Variants in SLC2A13 observed in about 807,000 individuals in gnomAD.
SLC2A13 encodes the protein solute carrier family 2 member 13.
A neutral mutation model predicts 64.4 loss-of-function variants in SLC2A13; 32 were observed. The observed-to-expected ratio is 0.50, with a 90% CI of 0.37 to 0.67. SLC2A13 has a LOEUF of 0.67. Ranked by LOEUF, SLC2A13 falls within the 30% of genes least tolerant of loss-of-function variation. The pLI is 0.00. For synonymous variants in SLC2A13, 338 were observed against 327.1 expected (o/e 1.03, Z -0.36); for missense variants, 743 against 829.2 (o/e 0.90, Z 1.28).
At chr12:39,926,904 C>T (rs1945740569) in intron 4 of SLC2A13, among the ~76,000 whole-genome samples, 1 of 152,198 alleles carries the variant, frequency 6.6e-6, no homozygotes, top group Non-Finnish European at 1.5e-5. Flanking sequence ...CGTGAGCCAC[C>T]TGCATCCAGC....
At chr12:40,035,361 AC>A (rs1300348789) in intron 2 of SLC2A13, among the ~76,000 whole-genome samples, 1 of 152,208 alleles carries the variant, frequency 6.6e-6, no homozygotes, top group Non-Finnish European at 1.5e-5. Flanking sequence ...GAGTTATGTT[AC>A]AGCAACTTAC....
intron 4 of SLC2A13, among the ~76,000 whole-genome samples, chr12:39,927,600 A>G (rs971359779): frequency 3.3e-5 from 5 of 152,196 alleles, no homozygotes; most frequent in African/African-American, 7.2e-5. Context: ...AACATATCAA[A>G]CGAGAAAAAA....
intron 4 of SLC2A13, among the ~76,000 whole-genome samples, chr12:39,904,490 C>T (rs1945215322): frequency 6.6e-6 from 1 of 152,132 alleles, no homozygotes; most frequent in Admixed American, 6.6e-5. Flanking sequence ...CTGCATATTG[C>T]CTTTCTTATG....
chr12:40,030,318 T>G (rs1202265706), intron 2 of SLC2A13, among the ~76,000 whole-genome samples: 3 of 152,188 alleles, frequency 2.0e-5, no homozygotes, highest in African/African-American at 7.2e-5. Context: ...CTCTTCCCCT[T>G]AAGATGTTAA....
intron 3 of SLC2A13, among the ~76,000 whole-genome samples, chr12:39,971,709 T>C (rs992556508): frequency 6.6e-6 from 1 of 152,206 alleles, no homozygotes; most frequent in Admixed American, 6.5e-5. Context: ...GAACAGTGGC[T>C]CATGCCTATA....
chr12:39,802,038 T>C (rs1435145720), intron 7 of SLC2A13, among the ~76,000 whole-genome samples: 1 of 152,156 alleles, frequency 6.6e-6, no homozygotes, highest in Non-Finnish European at 1.5e-5. Context: ...ATTGTCATGA[T>C]GAAAAAACTA....
At position 40,069,506 on chromosome 12, in the gene SLC2A13, G is replaced by A. The variant is rs143395269; in HGVS notation, c.557-21296C>T. On this transcript the variant is annotated intron_variant, in intron 1 of 9. Coordinates refer to ENST00000280871, the MANE Select transcript of SLC2A13 (RefSeq NM_052885.4). ...AAAGTCTCCTGAACTATGGTCTCCA[G>A]TATAATAGCTGACATTTCTGTAATA... is the stretch of plus-strand genomic sequence containing the variant. Among the ~76,000 whole-genome samples the A allele has an allele frequency of 2.8e-3, 431 of 152,130 alleles. 2 individuals carry two copies. Among genetic ancestry groups the A allele is most frequent in the African/African-American group, 9.7e-3 (404 of 41,510 alleles).
At chr12:39,959,818 T>A (rs980208605) in intron 3 of SLC2A13, among the ~76,000 whole-genome samples, 1 of 152,176 alleles carries the variant, frequency 6.6e-6, no homozygotes, top group Non-Finnish European at 1.5e-5. Context: ...TTTAAAAAAA[T>A]TTTATTTTAC....
At chr12:39,834,540 T>A (rs915225876) in intron 6 of SLC2A13, among the ~76,000 whole-genome samples, 2 of 152,090 alleles carry the variant, frequency 1.3e-5, no homozygotes, top group African/African-American at 4.8e-5. Flanking sequence ...CTTTCTTTTA[T>A]TAAAAAAGCA....
chr12:39,911,154 C>T (rs1009063575), intron 4 of SLC2A13, among the ~76,000 whole-genome samples: 1 of 152,014 alleles, frequency 6.6e-6, no homozygotes, highest in Non-Finnish European at 1.5e-5. Flanking sequence ...GCTTAAGTTA[C>T]TTTGCACTCT....
chr12:39,837,151 A>G (rs1943030625), intron 6 of SLC2A13, among the ~76,000 whole-genome samples: 1 of 129,368 alleles, frequency 7.7e-6, no homozygotes, highest in African/African-American at 3.1e-5. Context: ...GATATAGATC[A>G]ATGGAACAGA....
chr12:40,045,807 G>A (rs1362871571), intron 2 of SLC2A13, among the ~76,000 whole-genome samples: 1 of 152,116 alleles, frequency 6.6e-6, no homozygotes, highest in African/African-American at 2.4e-5. Flanking sequence ...TCCAGCTTCA[G>A]CTGGGATTCC....
At chr12:39,865,489 A>G (rs1054674861) in intron 5 of SLC2A13, among the ~76,000 whole-genome samples, 3 of 152,208 alleles carry the variant, frequency 2.0e-5, no homozygotes, top group Admixed American at 6.5e-5. Context: ...TGAAAGTGAA[A>G]TATTTGTTTT....
chr12:39,937,164 G>A (rs1204865515), intron 4 of SLC2A13, among the ~76,000 whole-genome samples: 2 of 152,196 alleles, frequency 1.3e-5, no homozygotes, highest in Non-Finnish European at 2.9e-5. Flanking sequence ...AATCTGGGAA[G>A]AGGAAAATAG....
chr12:39,819,106 T>G (rs890003180), intron 7 of SLC2A13, among the ~76,000 whole-genome samples: 4 of 152,304 alleles, frequency 2.6e-5, no homozygotes, highest in African/African-American at 7.2e-5. Flanking sequence ...TCTCTGAGGC[T>G]TCAGAAGTTA....
chr12:40,084,515 G>C (rs1304449255), intron 1 of SLC2A13, among the ~76,000 whole-genome samples: 1 of 152,192 alleles, frequency 6.6e-6, no homozygotes, highest in Non-Finnish European at 1.5e-5. Context: ...TTCAACCTAA[G>C]TCAGGTCACT....
At chr12:39,850,550 T>C (rs529036970) in intron 6 of SLC2A13, among the ~76,000 whole-genome samples, 18 of 152,198 alleles carry the variant, frequency 1.2e-4, no homozygotes, top group Non-Finnish European at 2.4e-4. Flanking sequence ...ACTTAAGTTA[T>C]ATGAACATGA....
intron 6 of SLC2A13, among the ~76,000 whole-genome samples, chr12:39,856,760 C>T (rs1033647315): frequency 2.6e-5 from 4 of 152,202 alleles, no homozygotes; most frequent in African/African-American, 9.7e-5. Flanking sequence ...GGTTATGTAA[C>T]GTGCTTTTAC....
At chr12:40,041,639 A>G (rs1948092411) in intron 2 of SLC2A13, among the ~76,000 whole-genome samples, 1 of 152,238 alleles carries the variant, frequency 6.6e-6, no homozygotes, top group South Asian at 2.1e-4. Context: ...GTATGCAGAA[A>G]GTGTCAAGAA....
Sources: allele counts gnomAD v4.1 joint callset (sites outside exome capture counted in the v4.1 genomes callset), GRCh38; gene constraint gnomAD v4.1.1; transcripts MANE v1.5; gene names NCBI Gene and HGNC (gene_info 2026-07-23, HGNC 2026-07-21).